TBXAS1: variants seen among roughly 807,000 people sequenced by gnomAD.
TBXAS1 encodes thromboxane-A synthase.
A neutral mutation model predicts 60.7 loss-of-function variants in TBXAS1; 48 were observed. The observed-to-expected ratio is 0.79, with a 90% CI of 0.63 to 1.01. The LOEUF is 1.01. Ranked by LOEUF, TBXAS1 falls within the 50% of genes least tolerant of loss-of-function variation. The probability of loss-of-function intolerance (pLI) is 0.00; values close to 1 mark genes in which losing one functional copy is unlikely to be tolerated. For missense variants in TBXAS1, 685 were observed against 686.3 expected (o/e 1.00, Z 0.02); for synonymous variants, 287 against 269.7 (o/e 1.06, Z -0.63).
At chr7:139,797,709 C>T (rs981612008) in intron 4 of TBXAS1, among the ~76,000 whole-genome samples, 1 of 152,060 alleles carries the variant, frequency 6.6e-6, no homozygotes, top group Admixed American at 6.6e-5. Context: ...AAAAGGTAGA[C>T]GAATGAAGTA....
chr7:139,794,726 C>T (rs1206021038), intron 4 of TBXAS1, among the ~76,000 whole-genome samples: 1 of 141,858 alleles, frequency 7.0e-6, no homozygotes, highest in African/African-American at 2.7e-5. Flanking sequence ...CATGTGATCT[C>T]ATTGTTCAAT....
chr7:139,905,021 T>C (rs1047232748), intron 3 of TBXAS1, among the ~76,000 whole-genome samples: 6 of 76,300 alleles, frequency 7.9e-5, no homozygotes, highest in Non-Finnish European at 1.2e-4. Context: ...CTTTCTTTCT[T>C]TCTTTCTTTC....
intron 3 of TBXAS1, among the ~76,000 whole-genome samples, chr7:139,892,215 C>T (rs1803673762): frequency 6.6e-6 from 1 of 152,134 alleles, no homozygotes; most frequent in Non-Finnish European, 1.5e-5. Flanking sequence ...GGATTAGGAG[C>T]CAGATCTGGG....
At chr7:139,890,405 CG>C (rs1803501639) in intron 3 of TBXAS1, among the ~76,000 whole-genome samples, 1 of 151,694 alleles carries the variant, frequency 6.6e-6, no homozygotes, top group East Asian at 1.9e-4. Context: ...TTAGGAGAGA[CG>C]GGGTTTCACC....
intron 6 of TBXAS1, among the ~76,000 whole-genome samples, chr7:139,954,442 A>G (rs1809675107): frequency 6.6e-6 from 1 of 152,146 alleles, no homozygotes; most frequent in Admixed American, 6.5e-5. Flanking sequence ...TCTTGTTTTC[A>G]CTCTAGCAGG....
At chr7:139,919,230 G>A (rs770253275) in intron 4 of TBXAS1, among the ~76,000 whole-genome samples, 19 of 152,196 alleles carry the variant, frequency 1.2e-4, no homozygotes, top group Non-Finnish European at 1.9e-4. Context: ...CAAGTTGCAC[G>A]ATGGCTGTCC....
chr7:139,786,304 C>T (rs531327370), intron 3 of TBXAS1, among the ~76,000 whole-genome samples: 24 of 151,830 alleles, frequency 1.6e-4, no homozygotes, highest in South Asian at 8.3e-4. Context: ...AACAAAACAC[C>T]GTAGTGTCAG....
chr7:139,898,256 G>A (rs906827817), intron 3 of TBXAS1, among the ~76,000 whole-genome samples: 10 of 152,218 alleles, frequency 6.6e-5, no homozygotes, highest in African/African-American at 2.2e-4. Flanking sequence ...CTTGAGGGTA[G>A]GACAGCAGCT....
chr7:139,971,645 A>T (rs1194955421), intron 9 of TBXAS1, among the ~76,000 whole-genome samples: 1 of 151,716 alleles, frequency 6.6e-6, no homozygotes, highest in African/African-American at 2.4e-5. Flanking sequence ...TCCCCTGGAG[A>T]TACTCAAAGC....
rs570769483 is a variant in TBXAS1, at chr7:139,900,492, C to T, written c.237-10733C>T. ...GATCAGGCCCTTCTAGGGAAGTAAG[C>T]TTTGAGAGGCAGAATGGCACTGGGA... is the stretch of plus-strand genomic sequence containing the variant. On this transcript the variant is annotated intron_variant, in intron 3 of 12. Coordinates refer to ENST00000448866, the MANE Select transcript of TBXAS1 (RefSeq NM_001061.7). Among the ~76,000 whole-genome samples the T allele has an allele frequency of 2.0e-5, 3 of 152,276 alleles. No individual in the cohort carries two copies. The East Asian group carries it at 5.8e-4, about 29-fold the overall frequency.
chr7:139,948,394 T>C lies in TBXAS1; in HGVS notation c.451-4974T>C, dbSNP rs142770380. ...GATCAGGGCCCCATCCTTGTGACTTTAACCTTAATTACTTCCTTAGAAGCC... is the reference window on the plus strand; with the variant it reads ...GATCAGGGCCCCATCCTTGTGACTTCAACCTTAATTACTTCCTTAGAAGCC... On this transcript the variant is annotated intron_variant, in intron 5 of 12. Transcript: ENST00000448866. 1.2e-3 allele frequency among the ~76,000 whole-genome samples: 188 copies of C among 152,264 alleles called. 1 individual carries two copies. The East Asian group carries it at 0.031, about 25-fold the overall frequency.
At chr7:139,803,109 A>ACCCAACTG (rs2116364219) in intron 4 of TBXAS1, among the ~76,000 whole-genome samples, 2 of 152,362 alleles carry the variant, frequency 1.3e-5, no homozygotes, top group South Asian at 4.1e-4. Context: ...TAACAGACAG[A>ACCCAACTG]GGTTGGAACA....
intron 8 of TBXAS1, among the ~76,000 whole-genome samples, chr7:139,960,030 A>G (rs1433413023): frequency 6.6e-6 from 1 of 152,226 alleles, no homozygotes; most frequent in Non-Finnish European, 1.5e-5. Flanking sequence ...TTTGAAAATC[A>G]GAACGAGCAG....
chr7:139,780,313 T>C (rs1272719141), intron 1 of TBXAS1, among the ~76,000 whole-genome samples: 1 of 152,232 alleles, frequency 6.6e-6, no homozygotes, highest in Non-Finnish European at 1.5e-5. Flanking sequence ...GTGGAGCACA[T>C]GAAATGTGGC....
At position 140,004,909 on chromosome 7, in the gene TBXAS1, C is replaced by T. The variant is rs1426821542; in HGVS notation, c.1135-2182C>T. ...GTGTGCTGCCAGCCTAGGGCAGGGA[C>T]GGCCACCACCATGCCAACCCGAGAT... On this transcript the variant is annotated intron_variant, in intron 9 of 12. Coordinates refer to ENST00000448866, the MANE Select transcript of TBXAS1 (RefSeq NM_001061.7). The surrounding 1 kb of genome is among the most constrained non-coding windows in gnomAD (Gnocchi z 5.1). 6.6e-6 allele frequency among the ~76,000 whole-genome samples: 1 copy of T among 152,196 alleles called. No homozygotes were observed. The highest frequency in any genetic ancestry group is 1.5e-5 in the Non-Finnish European group (1 of 68,034).
chr7:139,913,166 C>G (rs746468929), intron 4 of TBXAS1: 3 of 702,274 alleles, frequency 4.3e-6, no homozygotes, highest in Non-Finnish European at 7.8e-6. Context: ...TCAGGATGGC[C>G]GAAGGAATTG....
intron 10 of TBXAS1, among the ~76,000 whole-genome samples, chr7:140,012,122 T>C (rs1814663917): frequency 6.6e-6 from 1 of 152,254 alleles, no homozygotes; most frequent in Non-Finnish European, 1.5e-5. Context: ...CTTTGCTACG[T>C]TGGGAGGGTA....
chr7:140,007,208 C>T lies in TBXAS1; in HGVS notation c.1226+26C>T, dbSNP rs372034004. 6.8e-5 allele frequency: 110 copies of T among 1,607,690 alleles called. No homozygotes were observed. In the East Asian group the frequency reaches 9.1e-4, roughly 13 times the overall value. On this transcript the variant is annotated intron_variant, in intron 10 of 12. Transcript: ENST00000448866. ...GTGTGTGGTAGCCCCCTCCCCTGCCCGAGTCCCCACCTCCTACCCCTACCC... is the reference window on the plus strand; with the variant it reads ...GTGTGTGGTAGCCCCCTCCCCTGCCTGAGTCCCCACCTCCTACCCCTACCC...
chr7:139,902,216 T>C (rs1026335210), intron 3 of TBXAS1, among the ~76,000 whole-genome samples: 1 of 151,892 alleles, frequency 6.6e-6, no homozygotes, highest in Admixed American at 6.6e-5. Context: ...AGATAAAGAC[T>C]ATCCTATGAC....
Sources: allele counts gnomAD v4.1 joint callset (sites outside exome capture counted in the v4.1 genomes callset), GRCh38; gene constraint gnomAD v4.1.1; non-coding constraint Gnocchi (gnomAD v3.1); transcripts MANE v1.5; gene names NCBI Gene and HGNC (gene_info 2026-07-23, HGNC 2026-07-21).